The following NCOA4 variants were observed in gnomAD, a reference collection of about 807,000 sequenced individuals.
NCOA4 encodes nuclear receptor coactivator 4.
NCOA4 carries 31 observed loss-of-function variants against 69.5 expected under a neutral mutation model. The ratio of observed to expected loss-of-function variants is 0.45; its 90% CI spans 0.34 to 0.60. The LOEUF is 0.60. NCOA4 is among the 20% of genes least tolerant of loss of function. The pLI, the probability that NCOA4 is intolerant of heterozygous loss-of-function variation, is 0.02. For synonymous variants in NCOA4, 228 were observed against 252.4 expected, an observed-to-expected ratio of 0.90 and a Z score of 0.92; for missense variants, 600 against 719.2, an observed-to-expected ratio of 0.83 and a Z score of 1.90.
At chr10:46,024,811 C>A (rs890074328) in intron 1 of NCOA4, among the ~76,000 whole-genome samples, 1 of 152,142 alleles carries the variant, frequency 6.6e-6, no homozygotes, top group Non-Finnish European at 1.5e-5. Context: ...ACCAACCATC[C>A]CAAGTAGATC....
At chr10:46,028,477 TTTTAAAAAA>T (rs1840276483) in intron 1 of NCOA4, among the ~76,000 whole-genome samples, 1 of 152,024 alleles carries the variant, frequency 6.6e-6, no homozygotes, top group Non-Finnish European at 1.5e-5. Flanking sequence ...CCGAGCCTTT[TTTTAAAAAA>T]CTCACTATCT....
At chr10:46,009,588 A>G (rs1554920624) in intron 8 of NCOA4, 37 bp from the exon 9 acceptor site, 2 of 1,577,298 alleles carry the variant, frequency 1.3e-6, no homozygotes, top group Admixed American at 3.7e-5. Context: ...CTTCATGAAA[A>G]CAAGGAGGCA....
chr10:46,006,364 G>C lies in NCOA4; in HGVS notation c.*228C>G. ...GTGTGGGGTGAATTAAAATACTTCT[G>C]TAAGAAGGAGGGAACTGAATCACCT... On this transcript the variant is annotated 3_prime_UTR_variant, in exon 10 of 10. Transcript: ENST00000581486. The C allele has an allele frequency of 1.9e-6, 1 of 539,714 alleles. No homozygotes were observed. Among genetic ancestry groups the C allele is most frequent in the Non-Finnish European group, 3.3e-6 (1 of 299,316 alleles). 33.4% of individuals were successfully genotyped at this position (539,714 alleles called of 1,614,324 possible). A position where few individuals can be genotyped will look rare whatever the true frequency, so the allele number is the denominator to read the frequency against.
chr10:46,027,522 G>C, intron 1 of NCOA4: 1 of 1,502,884 alleles, frequency 6.7e-7, no homozygotes, highest in Non-Finnish European at 9.0e-7. Flanking sequence ...AATGTGTCCA[G>C]ACATAACTGT....
chr10:46,019,485 C>G, intron 1 of NCOA4: 5 of 985,470 alleles, frequency 5.1e-6, no homozygotes, highest in Non-Finnish European at 6.0e-6. Flanking sequence ...TTTAGCTTCT[C>G]ACCATTTGTG....
chr10:46,020,462 G>T (rs1564926806), intron 1 of NCOA4, among the ~76,000 whole-genome samples: 2 of 152,154 alleles, frequency 1.3e-5, no homozygotes, highest in African/African-American at 2.4e-5. Flanking sequence ...AGTGGTTATT[G>T]TTATCAGGTT....
At chr10:46,011,810 T>C in intron 7 of NCOA4, among the ~76,000 whole-genome samples, 1 of 151,310 alleles carries the variant, frequency 6.6e-6, no homozygotes. Flanking sequence ...TCCCAGCACT[T>C]TGGGAGGCCG....
At chr10:46,014,385 G>A (rs1839411167) in intron 5 of NCOA4, 59 bp downstream of exon 5, 1 of 1,242,106 alleles carries the variant, frequency 8.1e-7, no homozygotes, top group Non-Finnish European at 1.2e-6. Context: ...TTTTTTTTAA[G>A]ACCAGCTGTG....
chr10:46,021,304 A>G (rs925335534), intron 1 of NCOA4, among the ~76,000 whole-genome samples: 2 of 152,192 alleles, frequency 1.3e-5, no homozygotes, highest in Admixed American at 1.3e-4. Context: ...TAAAAAATAA[A>G]GCTGGAAAAA....
chr10:46,021,968 A>G (rs1442950252), intron 1 of NCOA4, among the ~76,000 whole-genome samples: 1 of 152,158 alleles, frequency 6.6e-6, no homozygotes, highest in Non-Finnish European at 1.5e-5. Flanking sequence ...CTCAAAATAA[A>G]TAAATAAATA....
Position 46,010,769 on chromosome 10 carries a change from C to T in NCOA4, c.1152G>A (p.Met384Ile), listed in dbSNP as rs1839158516. The T allele has an allele frequency of 1.9e-6, 3 of 1,613,838 alleles. No individual in the cohort carries two copies. The highest frequency in any genetic ancestry group is 2.5e-6 in the Non-Finnish European group (3 of 1,179,870). ...EAKKPLSTPS[M>I]VTEDWLVQNH... is the part of the protein sequence containing the mutation. ...TCTGGACAAGCCAATCCTCTGTAAC[C>T]ATGCTGGGGGTGGACAATGGTTTCT... Residue 384 changes from methionine (M) to isoleucine (I), a missense_variant, in exon 8 of 10, where the codon ATG (methionine) becomes ATA (isoleucine). By Grantham distance (10) the Met-to-Ile change is conservative (BLOSUM62 1). Coordinates refer to ENST00000581486, the MANE Select transcript of NCOA4 (RefSeq NM_001145263.2).
intron 1 of NCOA4, among the ~76,000 whole-genome samples, chr10:46,029,481 A>G (rs1032435036): frequency 6.6e-6 from 1 of 152,206 alleles, no homozygotes; most frequent in Non-Finnish European, 1.5e-5. Flanking sequence ...ATCTCGGTAT[A>G]AAAATGGGCC....
At position 46,014,498 on chromosome 10, in the gene NCOA4, A is replaced by C; in HGVS notation, c.426T>G (p.Ala142=). The change falls in exon 5 of 10, where the codon GCT becomes GCG. Residue 142 remains alanine (A), a synonymous_variant. Transcript: ENST00000581486. The part of the protein sequence containing the change: ...PEDSTVLLFE[A]DTITLRQTIT... ...TGGTCTGGCGCAGAGTAATTGTGTCAGCTTCAAAGAGCAGGACAGTTGAAT... is the reference window on the plus strand; with the variant it reads ...TGGTCTGGCGCAGAGTAATTGTGTCCGCTTCAAAGAGCAGGACAGTTGAAT... 1 of 1,614,118 alleles carries C rather than the reference A, an allele frequency of 6.2e-7. No individual in the cohort carries two copies. Among genetic ancestry groups the C allele is most frequent in the Non-Finnish European group, 8.5e-7 (1 of 1,179,974 alleles).
chr10:46,017,053 G>A (rs1180706063), intron 1 of NCOA4, among the ~76,000 whole-genome samples: 1 of 152,218 alleles, frequency 6.6e-6, no homozygotes, highest in African/African-American at 2.4e-5. Context: ...TATGAGGCAT[G>A]TGTTCCTCTT....
intron 1 of NCOA4, among the ~76,000 whole-genome samples, chr10:46,020,808 C>A (rs1032707895): frequency 1.1e-4 from 17 of 152,308 alleles, no homozygotes; most frequent in African/African-American, 3.8e-4. Context: ...ATATTCAAAT[C>A]AATAAAAGAT....
In NCOA4 at chr10:46,021,729, G is replaced by A. The variant is rs572267005; in HGVS notation, c.-14-5035C>T. On this transcript the variant is annotated intron_variant, in intron 1 of 9. Coordinates refer to ENST00000581486, the MANE Select transcript of NCOA4 (RefSeq NM_001145263.2). The stretch of plus-strand genomic sequence containing the variant: ...AATCCCAGCACTTTGGGAGGCCAAG[G>A]TGGGCGGATCACCTGAGGTCAGGAG... 7.0e-4 allele frequency among the ~76,000 whole-genome samples: 107 copies of A among 152,318 alleles called. No homozygotes were observed. In the South Asian group the frequency reaches 0.021, roughly 30 times the overall value.
In NCOA4 at chr10:46,015,282, A is replaced by G. The variant is rs1261827418; in HGVS notation, c.142-16T>C. On this transcript the variant is annotated splice_polypyrimidine_tract_variant and intron_variant, in intron 2 of 9. Coordinates refer to ENST00000581486, the MANE Select transcript of NCOA4 (RefSeq NM_001145263.2). ...GAGCTTTGACCTAGGAAACACATAC[A>G]TGTTAGCTTCCTAGTGTTAATCCCA... 2 of 1,433,036 alleles carry G rather than the reference A, an allele frequency of 1.4e-6. No individual in the cohort carries two copies. The highest frequency in any genetic ancestry group is 1.5e-5 in the African/African-American group (1 of 65,000). The allele number at this position is 1,433,036 out of a possible 1,614,324, so 88.8% of individuals were successfully genotyped here.
chr10:46,010,784 C>T lies in NCOA4; in HGVS notation c.1137G>A (p.Leu379=). 6.2e-7 allele frequency: 1 copy of T among 1,613,936 alleles called. No homozygotes were observed. Among genetic ancestry groups the T allele is most frequent in the Non-Finnish European group, 8.5e-7 (1 of 1,179,858 alleles). The change falls in exon 8 of 10, where the codon TTG becomes TTA. Residue 379 remains leucine (L), a synonymous_variant. Coordinates refer to ENST00000581486, the MANE Select transcript of NCOA4 (RefSeq NM_001145263.2). The part of the protein sequence containing the change: ...LNDHLEAKKP[L]STPSMVTEDW... ...CCTCTGTAACCATGCTGGGGGTGGA[C>T]AATGGTTTCTTGGCCTCCAAGTGGT...
intron 9 of NCOA4, chr10:46,009,008 G>C: frequency 1.6e-6 from 1 of 619,500 alleles, no homozygotes; most frequent in Non-Finnish European, 2.8e-6. Flanking sequence ...TGTTATTGCA[G>C]ACTTAACTAT....
Sources: allele counts gnomAD v4.1 joint callset (sites outside exome capture counted in the v4.1 genomes callset), GRCh38; gene constraint gnomAD v4.1.1; transcripts MANE v1.5; gene names NCBI Gene and HGNC (gene_info 2026-07-23, HGNC 2026-07-21).